The following C6 variants were observed in gnomAD, a reference collection of about 807,000 sequenced individuals.
C6 encodes the protein complement component C6.
C6 carries 101 observed loss-of-function variants against 112.9 expected under a neutral mutation model. The ratio of observed to expected loss-of-function variants is 0.89; its 90% CI spans 0.76 to 1.06. The LOEUF (loss-of-function observed/expected upper bound fraction) is 1.06, where lower values mean the gene tolerates loss of function less well. Among genes scored for constraint, C6 ranks in the 50% least tolerant of loss-of-function variants. C6 has a pLI of 0.00. For missense variants in C6, 1,202 were observed against 1,104.6 expected (o/e 1.09, Z -1.25); for synonymous variants, 431 against 384.1 (o/e 1.12, Z -1.43).
chr5:41,193,466 TACTTTGTA>T (rs1269262343), intron 5 of C6, among the ~76,000 whole-genome samples: 3 of 152,228 alleles, frequency 2.0e-5, no homozygotes, highest in Non-Finnish European at 4.4e-5. Flanking sequence ...TTATGTGTCA[TACTTTGTA>T]ACTTTTTGAA....
intron 7 of C6, among the ~76,000 whole-genome samples, chr5:41,180,276 C>T (rs1317188493): frequency 1.3e-5 from 2 of 152,180 alleles, no homozygotes; most frequent in South Asian, 2.1e-4. Context: ...TATTTCCTCC[C>T]TCTCTAGTTC....
intron 10 of C6, 75 bp downstream of exon 10, chr5:41,161,618 A>G: frequency 8.5e-7 from 1 of 1,169,594 alleles, no homozygotes; most frequent in Non-Finnish European, 1.3e-6. Flanking sequence ...AATGGAAAAT[A>G]AATTGTGTGA....
intron 6 of C6, among the ~76,000 whole-genome samples, chr5:41,185,142 A>G (rs994250100): frequency 1.1e-4 from 16 of 152,204 alleles, no homozygotes; most frequent in Admixed American, 3.3e-4. Context: ...GTTCAAATAC[A>G]ATATATCTTA....
At chr5:41,244,187 A>T (rs1429339952) in intron 1 of C6, among the ~76,000 whole-genome samples, 1 of 152,236 alleles carries the variant, frequency 6.6e-6, no homozygotes. Context: ...AACGTTGTAA[A>T]TATGAACATT....
intron 6 of C6, among the ~76,000 whole-genome samples, chr5:41,182,945 T>G (rs1020112463): frequency 1.3e-5 from 2 of 152,232 alleles, no homozygotes; most frequent in African/African-American, 4.8e-5. Flanking sequence ...AAAAGAATTT[T>G]CAGGCTGTAT....
intron 4 of C6, among the ~76,000 whole-genome samples, chr5:41,197,557 T>G (rs2150357914): frequency 6.6e-6 from 1 of 152,284 alleles, no homozygotes. Context: ...AATCTCACTT[T>G]GTTAGACAGA....
chr5:41,239,940 T>G (rs776960662), intron 1 of C6, among the ~76,000 whole-genome samples: 3 of 152,184 alleles, frequency 2.0e-5, no homozygotes, highest in Non-Finnish European at 4.4e-5. Flanking sequence ...CATTCTCTCC[T>G]GGCCTGTAGG....
At chr5:41,197,760 A>G (rs1186499764) in intron 4 of C6, among the ~76,000 whole-genome samples, 1 of 152,170 alleles carries the variant, frequency 6.6e-6, no homozygotes, top group Non-Finnish European at 1.5e-5. Flanking sequence ...CTGATGTGAC[A>G]TGGGTGAGAA....
At chr5:41,184,482 CT>C (rs71278696) in intron 6 of C6, among the ~76,000 whole-genome samples, 14 of 149,406 alleles carry the variant, frequency 9.4e-5, no homozygotes, top group Admixed American at 2.0e-4. Flanking sequence ...CTTTTCTTTT[CT>C]TTTTTTTTGA....
At chr5:41,249,460 C>T (rs188148061) in intron 1 of C6, among the ~76,000 whole-genome samples, 2 of 152,118 alleles carry the variant, frequency 1.3e-5, no homozygotes, top group African/African-American at 4.8e-5. Flanking sequence ...AGATATCCAA[C>T]CTCTACTTTA....
chr5:41,247,819 A>C (rs144671290), intron 1 of C6, among the ~76,000 whole-genome samples: 70 of 152,274 alleles, frequency 4.6e-4, no homozygotes, highest in Non-Finnish European at 8.8e-5. Flanking sequence ...AAAGAAATCA[A>C]AGACACAAAC....
chr5:41,192,607 T>A (rs1750303885), intron 5 of C6, among the ~76,000 whole-genome samples: 2 of 152,142 alleles, frequency 1.3e-5, no homozygotes, highest in Admixed American at 1.3e-4. Flanking sequence ...TGGTAAGTTT[T>A]TTTTTGTATC....
intron 12 of C6, 94 bp downstream of exon 12, chr5:41,158,988 C>G: frequency 7.0e-7 from 1 of 1,427,776 alleles, no homozygotes; most frequent in Non-Finnish European, 9.9e-7. Context: ...CTAATTATTT[C>G]TTTACTTAGC....
intron 14 of C6, 82 bp from the exon 15 acceptor site, chr5:41,154,080 G>C: frequency 1.6e-6 from 2 of 1,223,548 alleles, no homozygotes; most frequent in Non-Finnish European, 2.4e-6. Context: ...AACCAAAGAG[G>C]TGATTTTGAT....
At chr5:41,172,191 C>A in intron 9 of C6, 34 bp downstream of exon 9, 1 of 1,611,652 alleles carries the variant, frequency 6.2e-7, no homozygotes. Context: ...GCTCAGGGCA[C>A]ACTGGATAAG....
chr5:41,248,580 C>G (rs9763598), intron 1 of C6, among the ~76,000 whole-genome samples: 1 of 152,156 alleles, frequency 6.6e-6, no homozygotes, highest in Non-Finnish European at 1.5e-5. Context: ...AAACATTCCA[C>G]ATCACTAATG....
intron 2 of C6, 32 bp downstream of exon 2, chr5:41,203,056 A>T: frequency 6.2e-7 from 1 of 1,612,358 alleles, no homozygotes; most frequent in Middle Eastern, 1.8e-4. Context: ...TCCTTCCAGG[A>T]CACAAAGAAA....
At chr5:41,164,299 A>T (rs1404776801) in intron 9 of C6, among the ~76,000 whole-genome samples, 2 of 152,198 alleles carry the variant, frequency 1.3e-5, no homozygotes, top group African/African-American at 4.8e-5. Flanking sequence ...AGGAAGACTG[A>T]CATGTTCCTG....
intron 9 of C6, among the ~76,000 whole-genome samples, chr5:41,165,079 G>A (rs1174483489): frequency 6.6e-6 from 1 of 152,062 alleles, no homozygotes; most frequent in African/African-American, 2.4e-5. Flanking sequence ...TATATGTAAG[G>A]TTTTAAAACA....
Sources: gnomAD v4.1 joint callset for allele counts (sites outside exome capture counted in the v4.1 genomes callset) on GRCh38, gnomAD v4.1.1 for gene constraint, MANE v1.5 for transcripts, NCBI Gene and HGNC (gene_info 2026-07-23, HGNC 2026-07-21) for gene names.